ZSWIM5: variants seen among roughly 807,000 people sequenced by gnomAD.
ZSWIM5 encodes zinc finger SWIM-type containing 5.
ZSWIM5 carries 55 observed loss-of-function variants against 119.6 expected under a neutral mutation model. The ratio of observed to expected loss-of-function variants is 0.46; its 90% confidence interval spans 0.37 to 0.58. The LOEUF (loss-of-function observed/expected upper bound fraction) is 0.58. Ranked by LOEUF, ZSWIM5 falls within the 20% of genes least tolerant of loss-of-function variation. The probability of loss-of-function intolerance (pLI) is 0.00; values close to 1 mark genes in which losing one functional copy is unlikely to be tolerated. For synonymous variants in ZSWIM5, 537 were observed against 606.9 expected, an observed-to-expected ratio of 0.88 and a Z score of 1.69; for missense variants, 1,193 against 1,512.8, an observed-to-expected ratio of 0.79 and a Z score of 3.51.
chr1:45,074,574 CTTTTTCATCTCTGATT>C (rs956431264), intron 2 of ZSWIM5, among the ~76,000 whole-genome samples: 1 of 151,750 alleles, frequency 6.6e-6, no homozygotes, highest in Admixed American at 6.6e-5. Flanking sequence ...GTAATGTCTC[CTTTTTCATCTCTGATT>C]TTATTTATTT....
At chr1:45,173,334 CA>C (rs1557788334) in intron 1 of ZSWIM5, among the ~76,000 whole-genome samples, 2 of 152,044 alleles carry the variant, frequency 1.3e-5, no homozygotes, top group Admixed American at 1.3e-4. Context: ...TAAGTCTGTA[CA>C]TTAAAAGTGT....
intron 2 of ZSWIM5, among the ~76,000 whole-genome samples, chr1:45,083,288 T>C (rs932245036): frequency 7.9e-5 from 12 of 151,680 alleles, no homozygotes; most frequent in Non-Finnish European, 1.8e-4. Flanking sequence ...TGAGACAGAG[T>C]CTTACTCTGT....
At chr1:45,043,176 A>T in intron 6 of ZSWIM5, 43 bp downstream of exon 6, 1 of 1,600,360 alleles carries the variant, frequency 6.2e-7, no homozygotes, top group Non-Finnish European at 8.5e-7. Context: ...CCTGGCATGA[A>T]GTGAGGGTGG....
At chr1:45,078,521 A>G (rs1311427986) in intron 2 of ZSWIM5, among the ~76,000 whole-genome samples, 1 of 152,100 alleles carries the variant, frequency 6.6e-6, no homozygotes, top group Non-Finnish European at 1.5e-5. Flanking sequence ...GTTTCTCCCA[A>G]ACTAATGGGG....
In ZSWIM5 at chr1:45,036,030, T is replaced by A. The variant is rs1644981001; in HGVS notation, c.2155+9A>T. ...AAGACACCGTGACAAGAGACTCTTT[T>A]CTACTTACCTTCCAGCAGTAAGATG... On this transcript the variant is annotated intron_variant, in intron 9 of 13. Transcript: ENST00000359600. 1.1e-5 allele frequency: 17 copies of A among 1,611,894 alleles called. No individual in the cohort carries two copies. Among genetic ancestry groups the A allele is most frequent in the Non-Finnish European group, 1.4e-5 (17 of 1,178,506 alleles).
At chr1:45,091,410 AC>A (rs986701231) in intron 1 of ZSWIM5, among the ~76,000 whole-genome samples, 14 of 151,162 alleles carry the variant, frequency 9.3e-5, no homozygotes, top group African/African-American at 3.4e-4. Flanking sequence ...TAATCCCAGC[AC>A]TGTGGGGGGC....
At chr1:45,055,103 G>A (rs890371180) in intron 4 of ZSWIM5, among the ~76,000 whole-genome samples, 1 of 152,148 alleles carries the variant, frequency 6.6e-6, no homozygotes, top group African/African-American at 2.4e-5. Flanking sequence ...CCATTCTCCT[G>A]CCTCAGCCTC....
At chr1:45,155,428 G>A (rs982035595) in intron 1 of ZSWIM5, among the ~76,000 whole-genome samples, 2 of 150,780 alleles carry the variant, frequency 1.3e-5, no homozygotes, top group African/African-American at 5.0e-5. Flanking sequence ...TACATTGCTG[G>A]TGGGAATGTA....
chr1:45,201,947 C>T (rs954147084), intron 1 of ZSWIM5, among the ~76,000 whole-genome samples: 4 of 151,912 alleles, frequency 2.6e-5, no homozygotes, highest in Non-Finnish European at 5.9e-5. Context: ...CCATTCTTAA[C>T]GTTCAGTCAT....
Position 45,070,441 on chromosome 1 carries a change from C to A in ZSWIM5, c.953-10194G>T, listed in dbSNP as rs577421740. On this transcript the variant is annotated intron_variant, in intron 2 of 13. Transcript: ENST00000359600. ...TACAAAGTCTCCATGTTGGTGGCAG[C>A]AAGGGCTGTTCTCCATAGGAATTTT... The A allele has an allele frequency of 5.1e-5, 66 of 1,286,128 alleles. No homozygotes were observed. The Middle Eastern group carries it at 5.7e-4, about 11-fold the overall frequency. The allele number at this position is 1,286,128 out of a possible 1,614,324, so 79.7% of individuals were successfully genotyped here. A position where few individuals can be genotyped will look rare whatever the true frequency, so the allele number is the denominator to read the frequency against.
intron 1 of ZSWIM5, among the ~76,000 whole-genome samples, chr1:45,200,582 CCA>C (rs1000989246): frequency 6.6e-6 from 1 of 151,804 alleles, no homozygotes; most frequent in African/African-American, 2.4e-5. Flanking sequence ...GAAAAAAAAC[CCA>C]CAGTAATCTA....
chr1:45,085,259 G>C (rs186040890), intron 2 of ZSWIM5, among the ~76,000 whole-genome samples: 1 of 152,204 alleles, frequency 6.6e-6, no homozygotes, highest in Admixed American at 6.5e-5. Flanking sequence ...GCAGGGTAGC[G>C]GAGCCCTGGG....
rs547793578 is a variant in ZSWIM5, at chr1:45,180,099, C to T, written c.595+25657G>A. On this transcript the variant is annotated intron_variant, in intron 1 of 13. Coordinates refer to ENST00000359600, the MANE Select transcript of ZSWIM5 (RefSeq NM_020883.2). ...AGTGGGCACAGGACAGTGGGTGCAG[C>T]GCACTGTGCGCCAGCCGAAGCAGGG... Among the ~76,000 whole-genome samples, 17 of 152,286 alleles carry T rather than the reference C, an allele frequency of 1.1e-4. 1 individual carries two copies. Among genetic ancestry groups the T allele is most frequent in the Non-Finnish European group, 2.1e-4 (14 of 68,014 alleles).
At chr1:45,132,950 T>C (rs1645667097) in intron 1 of ZSWIM5, among the ~76,000 whole-genome samples, 1 of 152,186 alleles carries the variant, frequency 6.6e-6, no homozygotes, top group African/African-American at 2.4e-5. Flanking sequence ...AACTCATCCT[T>C]TTTTATGGCT....
intron 1 of ZSWIM5, among the ~76,000 whole-genome samples, chr1:45,094,228 G>A (rs1645385580): frequency 6.6e-6 from 1 of 151,230 alleles, no homozygotes; most frequent in African/African-American, 2.4e-5. Flanking sequence ...GCTAATTTTT[G>A]TATTTTTAGT....
chr1:45,154,455 TA>T (rs758969613), intron 1 of ZSWIM5, among the ~76,000 whole-genome samples: 26 of 152,276 alleles, frequency 1.7e-4, no homozygotes, highest in Admixed American at 3.3e-4. Context: ...TACAGCCAAC[TA>T]ATCTTCGACG....
intron 1 of ZSWIM5, among the ~76,000 whole-genome samples, chr1:45,097,877 A>T (rs1183316007): frequency 1.3e-5 from 2 of 152,014 alleles, no homozygotes; most frequent in Non-Finnish European, 2.9e-5. Flanking sequence ...ATTGAGTTCT[A>T]ATTGTGTTAA....
At chr1:45,037,427 T>G (rs1240387104) in intron 8 of ZSWIM5, among the ~76,000 whole-genome samples, 1 of 152,212 alleles carries the variant, frequency 6.6e-6, no homozygotes, top group African/African-American at 2.4e-5. Context: ...CTTCTTAATA[T>G]ATGAACTGGC....
rs115718322 is a variant in ZSWIM5, at chr1:45,123,264, C to T, written c.596-35027G>A. On this transcript the variant is annotated intron_variant, in intron 1 of 13. Transcript: ENST00000359600. ...AAATCTCAACTTGAATAAAAAAAGA[C>T]AATAAGTAGATATCAACACCAAAGT... 6.2e-4 allele frequency among the ~76,000 whole-genome samples: 94 copies of T among 151,942 alleles called. 1 individual carries two copies. The highest frequency in any genetic ancestry group is 2.2e-3 in the African/African-American group (91 of 41,458).
Sources: allele counts gnomAD v4.1 joint callset (sites outside exome capture counted in the v4.1 genomes callset), GRCh38; gene constraint gnomAD v4.1.1; transcripts MANE v1.5; gene names NCBI Gene and HGNC (gene_info 2026-07-23, HGNC 2026-07-21).